The following ELF1 variants were observed in gnomAD, a reference collection of about 807,000 sequenced individuals.
ELF1 encodes the protein ETS-related transcription factor Elf-1.
A neutral mutation model predicts 59.9 loss-of-function variants in ELF1; 24 were observed. That is an observed-to-expected ratio of 0.40 (90% confidence interval 0.29 to 0.56). The LOEUF is 0.56. ELF1 is among the 20% of genes least tolerant of loss of function. ELF1 has a pLI of 0.44. For synonymous variants in ELF1, 248 were observed against 266.2 expected, an observed-to-expected ratio of 0.93 and a Z score of 0.67; for missense variants, 627 against 742.2, an observed-to-expected ratio of 0.84 and a Z score of 1.80.
At chr13:40,984,973 C>T (rs933362608) in intron 1 of ELF1, among the ~76,000 whole-genome samples, 1 of 152,236 alleles carries the variant, frequency 6.6e-6, no homozygotes, top group Non-Finnish European at 1.5e-5. Flanking sequence ...ACACCTTATA[C>T]ATACTAACAA....
chr13:40,946,130 A>G (rs1402516467), intron 5 of ELF1, among the ~76,000 whole-genome samples: 1 of 152,218 alleles, frequency 6.6e-6, no homozygotes, highest in Non-Finnish European at 1.5e-5. Flanking sequence ...TGAGCCACTG[A>G]GCATGGCCCA....
At chr13:40,947,102 G>A (rs1268174126) in intron 5 of ELF1, among the ~76,000 whole-genome samples, 1 of 150,284 alleles carries the variant, frequency 6.7e-6, no homozygotes, top group African/African-American at 2.5e-5. Context: ...TCCAGCCTGG[G>A]TGAGAGAACG....
At chr13:40,940,160 G>T (rs1870036891) in intron 8 of ELF1, among the ~76,000 whole-genome samples, 1 of 151,940 alleles carries the variant, frequency 6.6e-6, no homozygotes, top group Non-Finnish European at 1.5e-5. Flanking sequence ...CTTTGAAAGG[G>T]CTGCTAGATT....
chr13:40,935,550 C>T (rs1869708374), intron 8 of ELF1, among the ~76,000 whole-genome samples: 1 of 152,180 alleles, frequency 6.6e-6, no homozygotes, highest in Non-Finnish European at 1.5e-5. Context: ...AGAGCCCGCC[C>T]ATTCACGCAG....
intron 3 of ELF1, among the ~76,000 whole-genome samples, chr13:40,957,715 C>G (rs115570520): frequency 4.5e-4 from 68 of 152,180 alleles, no homozygotes; most frequent in African/African-American, 1.4e-3. Context: ...ATAAGTATTA[C>G]CCAGTCTCAG....
intron 1 of ELF1, among the ~76,000 whole-genome samples, chr13:41,053,084 T>C (rs1009886243): frequency 1.3e-5 from 2 of 151,990 alleles, no homozygotes; most frequent in African/African-American, 4.8e-5. Flanking sequence ...CCAGGCACTG[T>C]GGCTCACGCC....
chr13:40,980,029 AC>A (rs1332516512), intron 2 of ELF1, among the ~76,000 whole-genome samples: 4 of 152,174 alleles, frequency 2.6e-5, no homozygotes, highest in Non-Finnish European at 5.9e-5. Flanking sequence ...CACTGGATCT[AC>A]CCTCCTGCAA....
At chr13:40,962,694 A>AAAG (rs1195600360) in intron 2 of ELF1, among the ~76,000 whole-genome samples, 3 of 151,788 alleles carry the variant, frequency 2.0e-5, no homozygotes, top group South Asian at 2.1e-4. Flanking sequence ...AAAAAAAAAA[A>AAAG]AAGAAGAAGA....
At chr13:40,952,428 T>C (rs1447349210) in intron 3 of ELF1, among the ~76,000 whole-genome samples, 2 of 151,980 alleles carry the variant, frequency 1.3e-5, no homozygotes, top group African/African-American at 4.8e-5. Context: ...GTGGCTCAAT[T>C]ATAGCTCACT....
At chr13:41,001,993 G>C (rs546088998) in intron 1 of ELF1, among the ~76,000 whole-genome samples, 12 of 152,126 alleles carry the variant, frequency 7.9e-5, no homozygotes, top group Non-Finnish European at 1.5e-4. Flanking sequence ...CTGACAACTG[G>C]ACACAGAGAA....
At position 40,958,819 on chromosome 13, in the gene ELF1, G is replaced by A. The variant is rs746924970; in HGVS notation, c.253+17C>T. The A allele has an allele frequency of 2.2e-5, 35 of 1,598,078 alleles. No individual in the cohort carries two copies. Among genetic ancestry groups the A allele is most frequent in the South Asian group, 2.0e-4 (18 of 88,024 alleles). On this transcript the variant is annotated intron_variant, in intron 3 of 8. Transcript: ENST00000239882. ...GCTGTGCTGCAGCAAGGTCCTACTGGATGGAGACACACGCACCTGTAAGGG... is the reference window on the plus strand; with the variant it reads ...GCTGTGCTGCAGCAAGGTCCTACTGAATGGAGACACACGCACCTGTAAGGG...
rs367586074 is a variant in ELF1, at chr13:40,961,321, G to C, written c.73-2305C>G. On this transcript the variant is annotated intron_variant, in intron 2 of 8. Coordinates refer to ENST00000239882, the MANE Select transcript of ELF1 (RefSeq NM_172373.4). Reference sequence around the variant, plus strand: ...TTCTTCCTGTTTTAGAAAAGAGGAAGCTAGCTAGAAAAGTAACTGGCTCTT... The same window carrying C: ...TTCTTCCTGTTTTAGAAAAGAGGAACCTAGCTAGAAAAGTAACTGGCTCTT... Among the ~76,000 whole-genome samples the C allele has an allele frequency of 9.9e-5, 15 of 152,282 alleles. 1 individual carries two copies. In the East Asian group the frequency reaches 2.5e-3, roughly 25 times the overall value.
chr13:41,051,271 C>G (rs1168174852), intron 1 of ELF1, among the ~76,000 whole-genome samples: 2 of 151,880 alleles, frequency 1.3e-5, no homozygotes, highest in Non-Finnish European at 2.9e-5. Context: ...TTCTCTGATG[C>G]CACCTGCCTG....
At chr13:41,057,446 T>G (rs1455285766) in intron 1 of ELF1, among the ~76,000 whole-genome samples, 1 of 151,550 alleles carries the variant, frequency 6.6e-6, no homozygotes, top group African/African-American at 2.4e-5. Context: ...AAGGCTGGAG[T>G]GCAGTGGCAC....
At chr13:41,058,883 G>A (rs1156241169) in intron 1 of ELF1, among the ~76,000 whole-genome samples, 1 of 152,234 alleles carries the variant, frequency 6.6e-6, no homozygotes, top group African/African-American at 2.4e-5. Context: ...TGAGGCACGA[G>A]AATAGCTTGA....
At chr13:40,986,940 T>C (rs1166847241) in intron 1 of ELF1, among the ~76,000 whole-genome samples, 1 of 145,474 alleles carries the variant, frequency 6.9e-6, no homozygotes, top group African/African-American at 2.6e-5. Flanking sequence ...CATTGCTCTT[T>C]TTTTTTTTTT....
intron 1 of ELF1, among the ~76,000 whole-genome samples, chr13:41,033,381 T>G (rs559007630): frequency 3.3e-5 from 5 of 152,350 alleles, no homozygotes; most frequent in African/African-American, 1.2e-4. Context: ...CCAGGACACA[T>G]AGTATGTTCT....
rs1347930269 is a variant in ELF1, at chr13:41,033,492, CAA to C, written c.-229+27344_-229+27345del. 2.0e-5 allele frequency among the ~76,000 whole-genome samples: 3 copies of C among 152,130 alleles called. No individual in the cohort carries two copies. The South Asian group carries it at 6.2e-4, about 32-fold the overall frequency. ...TGATAAATACAACTTAGATGACAAT[CAA>C]AAGCATTATGCTGAGTGAAAGAAGC... On this transcript the variant is annotated intron_variant, in intron 1 of 1. Transcript: ENST00000405737.
rs373106372 is a variant in ELF1, at chr13:40,941,164, T to C, written c.1013A>G (p.Lys338Arg). 3.7e-6 allele frequency: 6 copies of C among 1,614,066 alleles called. No individual in the cohort carries two copies. The highest frequency in any genetic ancestry group is 4.5e-5 in the East Asian group (2 of 44,888). ...RSRVSSSPGVKGGATTVLKPG... is the reference protein window; with the variant it reads ...RSRVSSSPGVRGGATTVLKPG... ...TTTTAGAACTGTAGTGGCTCCTCCTTTTACCCCTGGACTTGAAGATACTCT... is the reference window on the plus strand; with the variant it reads ...TTTTAGAACTGTAGTGGCTCCTCCTCTTACCCCTGGACTTGAAGATACTCT... Residue 338 changes from lysine to arginine, a missense_variant, in exon 8 of 9, where the codon AAA becomes AGA. Lys to Arg is a conservative substitution (Grantham distance 26, BLOSUM62 2). Transcript: ENST00000239882.
Sources: allele counts gnomAD v4.1 joint callset (sites outside exome capture counted in the v4.1 genomes callset), GRCh38; gene constraint gnomAD v4.1.1; transcripts MANE v1.5; gene names NCBI Gene and HGNC (gene_info 2026-07-23, HGNC 2026-07-21).